KCNMA1: variants seen among roughly 807,000 people sequenced by gnomAD.
KCNMA1 encodes the protein Calcium-activated potassium channel subunit alpha-1.
In KCNMA1, 29 loss-of-function variants were observed where a neutral mutation model predicts 140.0. That is an observed-to-expected ratio of 0.21 (90% CI 0.15 to 0.28). The LOEUF is 0.28. KCNMA1 is among the 10% of genes least tolerant of loss of function. The probability of loss-of-function intolerance (pLI) is 1.00; values close to 1 mark genes in which losing one functional copy is unlikely to be tolerated. For missense variants in KCNMA1, 880 were observed against 1,602.2 expected (o/e 0.55, Z 7.70); for synonymous variants, 612 against 611.9 (o/e 1.00, Z 0.00).
chr10:77,368,925 T>G (rs2094522033), intron 2 of KCNMA1, among the ~76,000 whole-genome samples: 1 of 152,258 alleles, frequency 6.6e-6, no homozygotes, highest in Non-Finnish European at 1.5e-5. Flanking sequence ...GACACTGTCT[T>G]GATTACTATA....
intron 2 of KCNMA1, among the ~76,000 whole-genome samples, chr10:77,329,831 C>T (rs1360350972): frequency 6.6e-6 from 1 of 152,154 alleles, no homozygotes; most frequent in Non-Finnish European, 1.5e-5. Context: ...ATTGCTTCAC[C>T]TCTTTGTCCC....
At chr10:77,243,545 A>G (rs960053269) in intron 3 of KCNMA1, among the ~76,000 whole-genome samples, 3 of 152,244 alleles carry the variant, frequency 2.0e-5, no homozygotes, top group Non-Finnish European at 2.9e-5. Flanking sequence ...TGTCCAAAGC[A>G]TTCTTTTTAA....
At chr10:76,928,275 ACGAACACGCGCGCG>A (rs1299898190) in intron 23 of KCNMA1, among the ~76,000 whole-genome samples, 1 of 137,234 alleles carries the variant, frequency 7.3e-6, no homozygotes, top group African/African-American at 2.7e-5. Flanking sequence ...ACACACACAC[ACGAACACGCGCGCG>A]CACACACACA....
At chr10:77,632,324 C>T (rs931048051) in intron 1 of KCNMA1, among the ~76,000 whole-genome samples, 18 of 152,122 alleles carry the variant, frequency 1.2e-4, no homozygotes, top group Admixed American at 2.6e-4. Context: ...GCCAAGAGAC[C>T]GTGACATCAC....
At chr10:77,571,155 T>C (rs1280271832) in intron 1 of KCNMA1, among the ~76,000 whole-genome samples, 1 of 152,210 alleles carries the variant, frequency 6.6e-6, no homozygotes, top group Non-Finnish European at 1.5e-5. Flanking sequence ...TTAAAATACA[T>C]TACCTATTCC....
intron 1 of KCNMA1, among the ~76,000 whole-genome samples, chr10:77,468,796 A>G (rs562986345): frequency 6.6e-6 from 1 of 152,198 alleles, no homozygotes; most frequent in Non-Finnish European, 1.5e-5. Flanking sequence ...AATAGAAATG[A>G]TAATAGTCCC....
At chr10:77,506,418 T>C (rs1270531379) in intron 1 of KCNMA1, among the ~76,000 whole-genome samples, 1 of 152,166 alleles carries the variant, frequency 6.6e-6, no homozygotes, top group African/African-American at 2.4e-5. Context: ...TGGCTTCTTA[T>C]ACTTAGAGAG....
intron 16 of KCNMA1, 52 bp downstream of exon 16, chr10:77,027,771 G>T: frequency 1.4e-6 from 2 of 1,397,750 alleles, no homozygotes; most frequent in Non-Finnish European, 2.0e-6. Context: ...TTCTCAGAAC[G>T]CACTCTCACC....
rs192996423 is a variant in KCNMA1, at chr10:76,910,264, T to C, written c.3017-168A>G. On this transcript the variant is annotated intron_variant, in intron 24 of 27. Coordinates refer to ENST00000286628, the MANE Select transcript of KCNMA1 (RefSeq NM_001161352.2). ...GGGTAAGGGGGGCAGTGGGACTCAA[T>C]GGACTGTTCCTGTGTCACTGTTTAA... The C allele has an allele frequency of 8.0e-4, 553 of 689,998 alleles. 1 individual carries two copies. The African/African-American group carries it at 8.8e-3, about 11-fold the overall frequency. The allele number at this position is 689,998 out of a possible 1,614,324, so 42.7% of individuals were successfully genotyped here.
chr10:77,573,677 A>G (rs1035738226), intron 1 of KCNMA1, among the ~76,000 whole-genome samples: 219 of 145,532 alleles, frequency 1.5e-3, no homozygotes, highest in Middle Eastern at 3.6e-3. Flanking sequence ...AGAATAGAAT[A>G]GAATAGAATA....
chr10:77,213,394 G>A (rs535087225), intron 3 of KCNMA1, among the ~76,000 whole-genome samples: 2 of 152,212 alleles, frequency 1.3e-5, no homozygotes, highest in East Asian at 3.9e-4. Context: ...ATGAGGGCAG[G>A]AGCACTCACA....
chr10:76,886,672 A>G lies in KCNMA1; in HGVS notation c.*594T>C, dbSNP rs914004548. The G allele has an allele frequency of 2.1e-5, 21 of 994,002 alleles. No individual in the cohort carries two copies. The highest frequency in any genetic ancestry group is 2.5e-5 in the Non-Finnish European group (21 of 834,892). 61.6% of individuals were successfully genotyped at this position (994,002 alleles called of 1,614,324 possible). ...AAATCACTGATGTTCTCTTGCAACA[A>G]GCAGGTCCTTCATAATCATCTACAC... On this transcript the variant is annotated 3_prime_UTR_variant, in exon 28 of 28. Coordinates refer to ENST00000286628, the MANE Select transcript of KCNMA1 (RefSeq NM_001161352.2).
intron 23 of KCNMA1, among the ~76,000 whole-genome samples, chr10:76,920,888 T>C (rs1244413180): frequency 6.6e-6 from 1 of 152,222 alleles, no homozygotes; most frequent in African/African-American, 2.4e-5. Context: ...GGACCCATTG[T>C]AGTTATGCTT....
chr10:76,983,612 AGCTACTTGGTAGGCT>A (rs2080245865), intron 19 of KCNMA1, among the ~76,000 whole-genome samples: 2 of 152,274 alleles, frequency 1.3e-5, no homozygotes, highest in South Asian at 4.1e-4. Context: ...CTGTAGTCCC[AGCTACTTGGTAGGCT>A]GAGGCAGGAG....
chr10:77,057,867 A>T (rs2095598407), intron 14 of KCNMA1, among the ~76,000 whole-genome samples: 1 of 151,908 alleles, frequency 6.6e-6, no homozygotes, highest in Non-Finnish European at 1.5e-5. Flanking sequence ...CTGAAACAGG[A>T]AACAAACAGA....
intron 10 of KCNMA1, among the ~76,000 whole-genome samples, chr10:77,088,428 T>TTTTTG (rs10638689): frequency 0.11 from 16,454 of 150,842 alleles, 1,156 homozygotes; most frequent in East Asian, 0.29. Flanking sequence ...GAGCAGCCAG[T>TTTTTG]TTTTGTTTTG....
intron 14 of KCNMA1, among the ~76,000 whole-genome samples, chr10:77,069,943 G>A (rs1001478679): frequency 1.1e-4 from 17 of 152,274 alleles, no homozygotes; most frequent in Admixed American, 3.3e-4. Flanking sequence ...AGCTTCTTGA[G>A]TAGCTGGGAC....
Position 76,914,783 on chromosome 10 carries a change from A to G in KCNMA1, c.3016+153T>C, listed in dbSNP as rs1032968434. ...GTTTTCCCTTCCGGTAATCTGCCATATTTCTCCCCATACCTTCCTCCCAGC... is the reference window on the plus strand; with the variant it reads ...GTTTTCCCTTCCGGTAATCTGCCATGTTTCTCCCCATACCTTCCTCCCAGC... On this transcript the variant is annotated intron_variant, in intron 24 of 27. Transcript: ENST00000286628. 1.2e-5 allele frequency: 8 copies of G among 652,290 alleles called. No individual in the cohort carries two copies. In the South Asian group the frequency reaches 1.3e-4, roughly 11 times the overall value. 40.4% of individuals were successfully genotyped at this position (652,290 alleles called of 1,614,324 possible). A position where few individuals can be genotyped will look rare whatever the true frequency, so the allele number is the denominator to read the frequency against.
At chr10:77,591,813 C>A (rs2079269965) in intron 1 of KCNMA1, among the ~76,000 whole-genome samples, 1 of 152,176 alleles carries the variant, frequency 6.6e-6, no homozygotes, top group Non-Finnish European at 1.5e-5. Flanking sequence ...TCAGCAAACA[C>A]CTGTGGAATT....
Sources: allele counts gnomAD v4.1 joint callset (sites outside exome capture counted in the v4.1 genomes callset), GRCh38; gene constraint gnomAD v4.1.1; transcripts MANE v1.5; gene names NCBI Gene and HGNC (gene_info 2026-07-23, HGNC 2026-07-21).